The following LZTS2 variants were observed in gnomAD, a reference collection of about 807,000 sequenced individuals.
LZTS2 encodes leucine zipper putative tumor suppressor 2.
LZTS2 carries 32 observed loss-of-function variants against 60.6 expected under a neutral mutation model. That is an observed-to-expected ratio of 0.53 (90% CI 0.40 to 0.71). The LOEUF is 0.71. LZTS2 is among the 30% of genes least tolerant of loss of function. The probability of loss-of-function intolerance (pLI) is 0.00; values close to 1 mark genes in which losing one functional copy is unlikely to be tolerated. For missense variants in LZTS2, 792 were observed against 901.9 expected, an observed-to-expected ratio of 0.88 and a Z score of 1.56; for synonymous variants, 360 against 393.1, an observed-to-expected ratio of 0.92 and a Z score of 1.00.
chr10:100,999,316 G>T (rs937045167), upstream of LZTS2, among the ~76,000 whole-genome samples: 7 of 152,248 alleles, frequency 4.6e-5, no homozygotes, highest in Non-Finnish European at 1.0e-4. Context: ...CCAACCCGCC[G>T]TGGGGCAGGC....
intron 1 of LZTS2, 39 bp downstream of exon 2, chr10:101,002,985 G>A: frequency 6.4e-7 from 1 of 1,557,030 alleles, no homozygotes; most frequent in Non-Finnish European, 8.7e-7. Flanking sequence ...GGGTAGAACG[G>A]GAGTCCTCGC....
upstream of LZTS2, among the ~76,000 whole-genome samples, chr10:100,999,154 C>G (rs1258330995): frequency 1.3e-5 from 2 of 152,232 alleles, no homozygotes; most frequent in African/African-American, 4.8e-5. Flanking sequence ...GGCTGGGGAG[C>G]ACGCGGTCGC....
exon 4 of LZTS2, chr10:101,007,482 G>C: frequency 7.0e-7 from 1 of 1,419,614 alleles, no homozygotes; most frequent in Non-Finnish European, 9.3e-7. Flanking sequence ...CTCCAGCCAG[G>C]GGAGCAGGGA....
chr10:101,005,466 G>A (rs1471739714), exon 3 of LZTS2: 4 of 1,565,412 alleles, frequency 2.6e-6, no homozygotes, highest in Admixed American at 3.5e-5. Flanking sequence ...AGGCATACGA[G>A]GAGCGGCAGC....
chr10:101,003,082 C>A, intron 1 of LZTS2, 136 bp downstream of exon 2: 1 of 1,136,160 alleles, frequency 8.8e-7, no homozygotes, highest in Non-Finnish European at 1.2e-6. Flanking sequence ...CCAGCTCTCT[C>A]TCATTCTGGA....
chr10:101,006,360 G>A, intron 3 of LZTS2, 125 bp from the exon 5 acceptor site: 2 of 1,435,530 alleles, frequency 1.4e-6, no homozygotes, highest in Non-Finnish European at 1.8e-6. Context: ...TTGCTTTAGT[G>A]TCTCCATCTG....
intron 2 of LZTS2, among the ~76,000 whole-genome samples, chr10:101,005,205 T>C (rs1224509796): frequency 6.6e-6 from 1 of 152,172 alleles, no homozygotes; most frequent in African/African-American, 2.4e-5. Flanking sequence ...TTTTGCTGTG[T>C]TGCCTAGGCT....
Position 101,006,309 on chromosome 10 carries a change from A to G in LZTS2, c.1327-176A>G, listed in dbSNP as rs141106265. 1.6e-3 allele frequency among the ~76,000 whole-genome samples: 241 copies of G among 152,326 alleles called. 3 individuals carry two copies. Among genetic ancestry groups the G allele is most frequent in the African/African-American group, 5.6e-3 (233 of 41,570 alleles). Reference sequence around the variant, plus strand: ...AAGTTCTAGGTCTGCTTTCCACTTAAGCCCCATCTTAACTGTATGACCTTG... The same window carrying G: ...AAGTTCTAGGTCTGCTTTCCACTTAGGCCCCATCTTAACTGTATGACCTTG... On this transcript the variant is annotated intron_variant, in intron 3 of 3. Coordinates refer to ENST00000370220, the Ensembl canonical transcript of LZTS2.
rs372265350 is a variant in LZTS2, at chr10:101,005,533, C to T, written c.1144C>T (p.Arg382Trp). The change falls in exon 3 of 4, where the codon CGG becomes TGG. Residue 382 changes from arginine to tryptophan, a missense_variant. By Grantham distance (101) the Arg-to-Trp change is moderately radical (BLOSUM62 -3). Coordinates refer to ENST00000370220, the Ensembl canonical transcript of LZTS2. ...AGAGGACTGTGCGGCCCAGGCACAG[C>T]GGGCACAGCGGGCCCAACAGCTGCT... 3.9e-5 allele frequency: 62 copies of T among 1,606,538 alleles called. No individual in the cohort carries two copies. The highest frequency in any genetic ancestry group is 5.5e-5 in the South Asian group (5 of 90,974).
At chr10:101,001,706 A>T (rs1475768345) in exon 1 of LZTS2, 1 of 152,254 alleles carries the variant, frequency 6.6e-6, no homozygotes, top group East Asian at 1.9e-4. Context: ...AAGGCAGGGC[A>T]TCTACCTTCC....
In LZTS2 at chr10:101,003,390, C is replaced by T. The variant is rs560065679; in HGVS notation, c.409-117C>T. 1.5e-5 allele frequency: 17 copies of T among 1,112,576 alleles called. 1 individual carries two copies. The highest frequency in any genetic ancestry group is 6.3e-5 in the South Asian group (3 of 47,640). The allele number at this position is 1,112,576 out of a possible 1,614,324, so 68.9% of individuals were successfully genotyped here. On this transcript the variant is annotated intron_variant, in intron 1 of 3. Coordinates refer to ENST00000370220, the Ensembl canonical transcript of LZTS2. ...ACTGGTGGCCACCTCCACCAGTGGC[C>T]GCAATTGTTATGAATATATGGGCAC... is the stretch of plus-strand genomic sequence containing the variant.
chr10:101,005,315 C>A, intron 2 of LZTS2, 143 bp from the exon 4 acceptor site: 2 of 910,662 alleles, frequency 2.2e-6, no homozygotes, highest in Non-Finnish European at 3.1e-6. Flanking sequence ...ATCATAAAAG[C>A]AGTTAGTATT....
At chr10:101,007,534 A>C in exon 4 of LZTS2, 1 of 1,322,856 alleles carries the variant, frequency 7.6e-7, no homozygotes, top group Non-Finnish European at 9.9e-7. Context: ...CCCCGACCCC[A>C]AAGCCAGAGA....
At chr10:101,002,914 A>G (rs764685540) in exon 1 of LZTS2, 10 of 1,612,636 alleles carry the variant, frequency 6.2e-6, no homozygotes, top group Non-Finnish European at 8.5e-6. Flanking sequence ...CCCACCACCA[A>G]AGCTCATCCC....
upstream of LZTS2, chr10:100,996,746 G>A (rs1183494986): frequency 6.6e-6 from 1 of 152,434 alleles, no homozygotes; most frequent in East Asian, 1.9e-4. Flanking sequence ...CCCAGGGGTT[G>A]TCCCTGTATT....
intron 2 of LZTS2, 51 bp from the exon 4 acceptor site, chr10:101,005,407 T>A (rs376051127): frequency 2.6e-4 from 397 of 1,502,310 alleles, no homozygotes; most frequent in Non-Finnish European, 3.3e-4. Flanking sequence ...AGACACTGAG[T>A]GGGGAGTTGG....
At chr10:101,002,881 G>A in exon 1 of LZTS2, 1 of 1,613,758 alleles carries the variant, frequency 6.2e-7, no homozygotes. Context: ...AGAGCAGCGG[G>A]CACACAATGC....
intron 3 of LZTS2, 34 bp downstream of exon 4, chr10:101,005,749 CACA>C: frequency 6.6e-7 from 1 of 1,504,560 alleles, no homozygotes; most frequent in Non-Finnish European, 8.9e-7. Flanking sequence ...GGAGCAGGGT[CACA>C]CAGGGAGAAA....
In LZTS2 at chr10:101,002,955, C is replaced by T. The variant is rs368952725; in HGVS notation, c.408+9C>T. ...CTGGAAAGCTGGAGAAGGTGAGGAC[C>T]GGCTCTTCCTTGTGGGCCTGGGTAG... On this transcript the variant is annotated intron_variant, in intron 1 of 3. Coordinates refer to ENST00000370220, the Ensembl canonical transcript of LZTS2. 13 of 1,602,006 alleles carry T rather than the reference C, an allele frequency of 8.1e-6. No homozygotes were observed. The highest frequency in any genetic ancestry group is 6.7e-5 in the East Asian group (3 of 44,734).
Sources: gnomAD v4.1 joint callset for allele counts (sites outside exome capture counted in the v4.1 genomes callset) on GRCh38, gnomAD v4.1.1 for gene constraint, MANE v1.5 for transcripts, NCBI Gene and HGNC (gene_info 2026-07-23, HGNC 2026-07-21) for gene names.